Variants in HS3ST2 observed in about 807,000 individuals in gnomAD.
The protein encoded by HS3ST2 is heparan sulfate glucosamine 3-O-sulfotransferase 2.
In HS3ST2, 17 loss-of-function variants were observed where a neutral mutation model predicts 26.3. The ratio of observed to expected loss-of-function variants is 0.65; its 90% CI spans 0.44 to 0.97. HS3ST2 has a LOEUF of 0.97. Ranked by LOEUF, HS3ST2 falls within the 50% of genes least tolerant of loss-of-function variation. The probability of loss-of-function intolerance (pLI) is 0.00; values close to 1 mark genes in which losing one functional copy is unlikely to be tolerated. For missense variants in HS3ST2, 402 were observed against 501.2 expected (o/e 0.80, Z 1.89); for synonymous variants, 237 against 219.2 (o/e 1.08, Z -0.72).
At chr16:22,907,632 C>T (rs1238130179) in intron 1 of HS3ST2, among the ~76,000 whole-genome samples, 1 of 152,128 alleles carries the variant, frequency 6.6e-6, no homozygotes. Flanking sequence ...TTTGCAAAAG[C>T]AGGCAAAAGA....
At chr16:22,914,285 A>G (rs1379912884) in intron 1 of HS3ST2, among the ~76,000 whole-genome samples, 2 of 152,222 alleles carry the variant, frequency 1.3e-5, no homozygotes, top group East Asian at 3.9e-4. Context: ...GCCTGTTTTC[A>G]TTTAACACTG....
intron 1 of HS3ST2, among the ~76,000 whole-genome samples, chr16:22,841,201 A>T (rs553043826): frequency 1.2e-4 from 19 of 152,238 alleles, no homozygotes; most frequent in Non-Finnish European, 1.6e-4. Context: ...AGCTGGGATT[A>T]CAGGCACCCA....
intron 1 of HS3ST2, among the ~76,000 whole-genome samples, chr16:22,905,325 C>T (rs1902336654): frequency 6.6e-6 from 1 of 152,128 alleles, no homozygotes; most frequent in Non-Finnish European, 1.5e-5. Flanking sequence ...TCCAAGGGAG[C>T]TGTCCTGTGT....
chr16:22,864,901 A>T (rs906210969), intron 1 of HS3ST2, among the ~76,000 whole-genome samples: 1 of 149,788 alleles, frequency 6.7e-6, no homozygotes, highest in Non-Finnish European at 1.5e-5. Flanking sequence ...AAAAAAAAAA[A>T]ATAGCCGGGC....
intron 1 of HS3ST2, among the ~76,000 whole-genome samples, chr16:22,840,291 T>A (rs758354672): frequency 6.6e-6 from 1 of 152,228 alleles, no homozygotes; most frequent in African/African-American, 2.4e-5. Flanking sequence ...TTCATACTTG[T>A]GTCAGGGAGG....
At chr16:22,880,776 A>G (rs548034468) in intron 1 of HS3ST2, among the ~76,000 whole-genome samples, 1 of 152,340 alleles carries the variant, frequency 6.6e-6, no homozygotes, top group East Asian at 1.9e-4. Context: ...GATACGGTCT[A>G]TGGACTCTGG....
intron 1 of HS3ST2, among the ~76,000 whole-genome samples, chr16:22,842,063 T>TTTTTTTTTTTTTTTTC: frequency 3.4e-5 from 1 of 29,824 alleles, no homozygotes; most frequent in Non-Finnish European, 6.2e-5. Flanking sequence ...CTTTTCTTTC[T>TTTTTTTTTTTTTTTTC]TTTTTTTTTT....
At chr16:22,877,216 G>T (rs534992563) in intron 1 of HS3ST2, among the ~76,000 whole-genome samples, 15 of 152,342 alleles carry the variant, frequency 9.8e-5, no homozygotes, top group African/African-American at 3.6e-4. Flanking sequence ...TGCTGGGTTA[G>T]ACTCACCCAC....
intron 1 of HS3ST2, among the ~76,000 whole-genome samples, chr16:22,889,319 AGGGCATCCTGTAACAT>A (rs1352146622): frequency 6.6e-6 from 1 of 152,242 alleles, no homozygotes; most frequent in Non-Finnish European, 1.5e-5. Flanking sequence ...GAAGTTGCGA[AGGGCATCCTGTAACAT>A]GTGCCAACAC....
At chr16:22,847,995 G>A (rs916700256) in intron 1 of HS3ST2, among the ~76,000 whole-genome samples, 6 of 152,134 alleles carry the variant, frequency 3.9e-5, no homozygotes, top group Non-Finnish European at 8.8e-5. Context: ...TCAATTAATA[G>A]TCTCATTTTC....
chr16:22,882,942 A>G (rs1386984052), intron 1 of HS3ST2, among the ~76,000 whole-genome samples: 1 of 151,476 alleles, frequency 6.6e-6, no homozygotes, highest in Non-Finnish European at 1.5e-5. Context: ...GAGGCAGGAA[A>G]ATCGCTTGAA....
chr16:22,886,982 C>T (rs1395023299), intron 1 of HS3ST2, among the ~76,000 whole-genome samples: 1 of 152,102 alleles, frequency 6.6e-6, no homozygotes, highest in Non-Finnish European at 1.5e-5. Context: ...AAACTCCTGA[C>T]CTCAAGTGAT....
chr16:22,851,940 A>G (rs549495212), intron 1 of HS3ST2, among the ~76,000 whole-genome samples: 1 of 152,192 alleles, frequency 6.6e-6, no homozygotes, highest in Non-Finnish European at 1.5e-5. Context: ...ACCCTGAGCC[A>G]TCTGGTTCCT....
intron 1 of HS3ST2, among the ~76,000 whole-genome samples, chr16:22,831,953 T>G (rs1901176552): frequency 6.6e-6 from 1 of 152,128 alleles, no homozygotes; most frequent in Non-Finnish European, 1.5e-5. Flanking sequence ...ATGATTTTAC[T>G]GGAAGATAAT....
chr16:22,883,978 T>C (rs940414644), intron 1 of HS3ST2, among the ~76,000 whole-genome samples: 16 of 152,062 alleles, frequency 1.1e-4, no homozygotes, highest in Non-Finnish European at 2.1e-4. Flanking sequence ...CAGACCCACC[T>C]CTAGAAATCA....
chr16:22,847,993 T>C (rs960168710), intron 1 of HS3ST2, among the ~76,000 whole-genome samples: 2 of 151,964 alleles, frequency 1.3e-5, no homozygotes, highest in African/African-American at 4.8e-5. Flanking sequence ...GTTCAATTAA[T>C]AGTCTCATTT....
intron 1 of HS3ST2, among the ~76,000 whole-genome samples, chr16:22,835,364 A>G (rs1404437967): frequency 1.3e-5 from 2 of 152,076 alleles, no homozygotes; most frequent in Non-Finnish European, 2.9e-5. Context: ...CTTGGCAAAG[A>G]GTAACTTAGA....
intron 1 of HS3ST2, among the ~76,000 whole-genome samples, chr16:22,906,246 C>T (rs1902349811): frequency 6.6e-6 from 1 of 152,034 alleles, no homozygotes; most frequent in African/African-American, 2.4e-5. Context: ...TGATGCACAT[C>T]TGTAATCCCA....
At chr16:22,901,706 C>T (rs1030957978) in intron 1 of HS3ST2, among the ~76,000 whole-genome samples, 1 of 152,182 alleles carries the variant, frequency 6.6e-6, no homozygotes, top group East Asian at 1.9e-4. Context: ...TCAACACCCA[C>T]GATCACCGTT....
Sources: gnomAD v4.1 joint callset for allele counts (sites outside exome capture counted in the v4.1 genomes callset) on GRCh38, gnomAD v4.1.1 for gene constraint, MANE v1.5 for transcripts, NCBI Gene and HGNC (gene_info 2026-07-23, HGNC 2026-07-21) for gene names.